Variants in SULT1C3 observed in about 807,000 individuals in gnomAD.
The protein encoded by SULT1C3 is sulfotransferase 1C3.
SULT1C3 carries 31 observed loss-of-function variants against 28.4 expected under a neutral mutation model. The observed-to-expected ratio is 1.09, with a 90% CI of 0.82 to 1.47. The LOEUF is 1.47. Ranked by LOEUF, SULT1C3 falls within the 40% of genes most tolerant of loss-of-function variation. The probability of loss-of-function intolerance (pLI) is 0.00; values close to 1 mark genes in which losing one functional copy is unlikely to be tolerated. For missense variants in SULT1C3, 307 were observed against 272.5 expected (o/e 1.13, Z -0.89); for synonymous variants, 106 against 92.2 (o/e 1.15, Z -0.86).
At chr2:108,248,570 A>T (rs1198106720) in intron 2 of SULT1C3, among the ~76,000 whole-genome samples, 1 of 152,136 alleles carries the variant, frequency 6.6e-6, no homozygotes, top group Non-Finnish European at 1.5e-5. Context: ...ACCTTTAGAT[A>T]TCTTTAGAGA....
Position 108,247,177 on chromosome 2 carries a change from A to G in SULT1C3, c.-7-11A>G. 1 of 1,503,466 alleles carries G rather than the reference A, an allele frequency of 6.7e-7. No individual in the cohort carries two copies. The allele number at this position is 1,503,466 out of a possible 1,614,324, so 93.1% of individuals were successfully genotyped here. A position where few individuals can be genotyped will look rare whatever the true frequency, so the allele number is the denominator to read the frequency against. On this transcript the variant is annotated splice_polypyrimidine_tract_variant and intron_variant, in intron 1 of 7. Coordinates refer to ENST00000681802, the MANE Select transcript of SULT1C3 (RefSeq NM_001320878.2). ...AAAAATTTTAATTAGTATTGATCTT[A>G]CCCATCCCAGATTCCCAATGGCGAA...
rs756043407 is a variant in SULT1C3 at position 108,259,059 on chromosome 2, G to C, written c.715G>C (p.Asp239His). ...CAAGATTGTCCACCATACCTCATTT[G>C]ATGTAATGAAGGATAATCCCATGGC... is the stretch of plus-strand genomic sequence containing the variant. ...INKIVHHTSF[D>H]VMKDNPMANH... The change falls in exon 7 of 8, where the codon GAT becomes CAT. Residue 239 changes from aspartate to histidine, a missense_variant. Asp to His is a moderately conservative substitution (Grantham distance 81, BLOSUM62 -1). Coordinates refer to ENST00000681802, the MANE Select transcript of SULT1C3 (RefSeq NM_001320878.2). The C allele has an allele frequency of 1.5e-6, 1 of 663,070 alleles. No homozygotes were observed. Among genetic ancestry groups the C allele is most frequent in the South Asian group, 1.5e-5 (1 of 64,518 alleles). 41.1% of individuals were successfully genotyped at this position (663,070 alleles called of 1,614,324 possible).
intron 2 of SULT1C3, among the ~76,000 whole-genome samples, chr2:108,249,153 CA>C (rs1249505104): frequency 2.0e-5 from 3 of 152,046 alleles, no homozygotes; most frequent in Admixed American, 1.3e-4. Flanking sequence ...AGACCCTAAA[CA>C]GAGGACTAGC....
At chr2:108,263,032 G>A (rs536206022), downstream of SULT1C3, among the ~76,000 whole-genome samples, 1 of 152,278 alleles carries the variant, frequency 6.6e-6, no homozygotes, top group African/African-American at 2.4e-5. Context: ...TAAGATCTGA[G>A]TCCTGAAGAC....
chr2:108,257,641 G>A (rs1485810125), intron 5 of SULT1C3, among the ~76,000 whole-genome samples: 1 of 151,946 alleles, frequency 6.6e-6, no homozygotes, highest in African/African-American at 2.4e-5. Context: ...ATATATTAGA[G>A]AATATTGTTA....
chr2:108,264,791 C>T (rs1676094101), downstream of SULT1C3: 1 of 1,573,994 alleles, frequency 6.4e-7, no homozygotes, highest in Non-Finnish European at 8.6e-7. Flanking sequence ...GAAGACCCAA[C>T]ATGATTTGTT....
intron 1 of SULT1C3, among the ~76,000 whole-genome samples, chr2:108,240,338 G>T (rs1284940399): frequency 6.6e-6 from 1 of 152,176 alleles, no homozygotes. Flanking sequence ...TGGTCTGAAA[G>T]AATGAGATGC....
chr2:108,242,846 T>C (rs1008468608), intron 1 of SULT1C3, among the ~76,000 whole-genome samples: 1 of 152,148 alleles, frequency 6.6e-6, no homozygotes. Flanking sequence ...CTCTCATGCA[T>C]GCATTAGGAG....
At chr2:108,242,875 A>G (rs1675496233) in intron 1 of SULT1C3, among the ~76,000 whole-genome samples, 1 of 152,220 alleles carries the variant, frequency 6.6e-6, no homozygotes, top group Non-Finnish European at 1.5e-5. Flanking sequence ...CAAAAAATAG[A>G]GAAAAATAAT....
chr2:108,264,682 C>G (rs941628983), downstream of SULT1C3: 5 of 805,626 alleles, frequency 6.2e-6, no homozygotes, highest in South Asian at 9.4e-5. Flanking sequence ...CAGTGTCTGG[C>G]ACTAGGAGTC....
At chr2:108,247,660 CCT>C (rs1675622193) in intron 2 of SULT1C3, among the ~76,000 whole-genome samples, 1 of 152,130 alleles carries the variant, frequency 6.6e-6, no homozygotes, top group Non-Finnish European at 1.5e-5. Flanking sequence ...AATTGAAAGA[CCT>C]ATGGCTTTTT....
intron 5 of SULT1C3, 111 bp downstream of exon 5, chr2:108,255,809 T>G: frequency 7.5e-7 from 1 of 1,330,906 alleles, no homozygotes; most frequent in Non-Finnish European, 9.9e-7. Context: ...GAGGAGGTCC[T>G]ATCTTGATGA....
At chr2:108,249,636 G>A (rs1252245310) in intron 2 of SULT1C3, among the ~76,000 whole-genome samples, 1 of 151,926 alleles carries the variant, frequency 6.6e-6, no homozygotes, top group Non-Finnish European at 1.5e-5. Context: ...TAAATAAGGA[G>A]GCATACCCTA....
Position 108,254,778 on chromosome 2 carries a change from T to C in SULT1C3, c.400-794T>C, listed in dbSNP as rs1031817990. Among the ~76,000 whole-genome samples, 7 of 151,164 alleles carry C rather than the reference T, an allele frequency of 4.6e-5. No individual in the cohort carries two copies. The East Asian group carries it at 5.9e-4, about 13-fold the overall frequency. On this transcript the variant is annotated intron_variant, in intron 4 of 7. Coordinates refer to ENST00000681802, the MANE Select transcript of SULT1C3 (RefSeq NM_001320878.2). ...GTATGTATATATGTATGTATGCATA[T>C]ATATGTATATATGTATGTATGCATA... is the stretch of plus-strand genomic sequence containing the variant.
intron 4 of SULT1C3, 51 bp downstream of exon 4, chr2:108,253,493 T>C (rs754393488): frequency 9.6e-6 from 9 of 937,642 alleles, no homozygotes; most frequent in Non-Finnish European, 1.4e-5. Context: ...ATATAAACTA[T>C]ACAACTGAAG....
downstream of SULT1C3, chr2:108,265,350 G>A (rs1311929618): frequency 3.7e-6 from 6 of 1,612,088 alleles, no homozygotes; most frequent in African/African-American, 6.7e-5. Flanking sequence ...ACAGAGATCT[G>A]AGAGCAGTCA....
intron 3 of SULT1C3, 71 bp downstream of exon 3, chr2:108,252,564 T>C (rs749942325): frequency 4.5e-6 from 7 of 1,557,322 alleles, no homozygotes; most frequent in East Asian, 2.3e-5. Flanking sequence ...CTGTCTCTGA[T>C]AGAGCATCCG....
downstream of SULT1C3, among the ~76,000 whole-genome samples, chr2:108,262,967 G>A (rs1229826866): frequency 6.6e-6 from 1 of 152,188 alleles, no homozygotes; most frequent in African/African-American, 2.4e-5. Context: ...ATGTCTACAT[G>A]TAAGTGTGCA....
intron 2 of SULT1C3, among the ~76,000 whole-genome samples, chr2:108,248,588 T>C (rs1039515182): frequency 2.0e-5 from 3 of 152,098 alleles, no homozygotes; most frequent in Non-Finnish European, 4.4e-5. Context: ...AGAGGACCCT[T>C]TTAGTTTATT....
Sources: gnomAD v4.1 joint callset for allele counts (sites outside exome capture counted in the v4.1 genomes callset) on GRCh38, gnomAD v4.1.1 for gene constraint, MANE v1.5 for transcripts, NCBI Gene and HGNC (gene_info 2026-07-23, HGNC 2026-07-21) for gene names.